The following OTUD6B variants were observed in gnomAD, a reference collection of about 807,000 sequenced individuals.
OTUD6B encodes OTU deubiquitinase 6B, also known as deubiquitinase OTUD6B.
OTUD6B carries 41 observed loss-of-function variants against 36.9 expected under a neutral mutation model. The observed-to-expected ratio is 1.11, with a 90% CI of 0.87 to 1.44. The LOEUF (loss-of-function observed/expected upper bound fraction) is 1.44, where lower values mean the gene tolerates loss of function less well. OTUD6B is among the 40% of genes most tolerant of loss of function. The pLI is 0.00. For synonymous variants in OTUD6B, 114 were observed against 114.2 expected (o/e 1.00, Z 0.01); for missense variants, 356 against 344.8 (o/e 1.03, Z -0.26).
At chr8:91,081,777 C>T (rs575037816) in intron 5 of OTUD6B, among the ~76,000 whole-genome samples, 1 of 151,994 alleles carries the variant, frequency 6.6e-6, no homozygotes, top group Non-Finnish European at 1.5e-5. Context: ...GAATGTTGCC[C>T]CAAAATCTTT....
chr8:91,082,844 C>T (rs1431524243), intron 5 of OTUD6B, among the ~76,000 whole-genome samples: 3 of 149,652 alleles, frequency 2.0e-5, no homozygotes, highest in Non-Finnish European at 1.5e-5. Context: ...CTCTGCCTCC[C>T]GGGCTCAAGT....
At chr8:91,078,731 G>A in intron 4 of OTUD6B, 63 bp downstream of exon 4, 2 of 1,188,242 alleles carry the variant, frequency 1.7e-6, no homozygotes, top group East Asian at 2.6e-5. Flanking sequence ...TAAATAAGGT[G>A]CTTCCCAGCA....
In OTUD6B at chr8:91,070,417, G is replaced by A; in HGVS notation, c.33G>A (p.Glu11=). Reference sequence around the variant, plus strand: ...CGGTATTGACCGAAGAGCTTGATGAGGAAGAGCAGCTGCTGAGAAGGCATC... The same window carrying A: ...CGGTATTGACCGAAGAGCTTGATGAAGAAGAGCAGCTGCTGAGAAGGCATC... MEAVLTEELD[E]EEQLLRRHRK... Residue 11 remains glutamate (E), a synonymous_variant, in exon 1 of 7, where the codon GAG becomes GAA. Transcript: ENST00000404789. 3.1e-6 allele frequency: 5 copies of A among 1,599,144 alleles called. No homozygotes were observed. Among genetic ancestry groups the A allele is most frequent in the Non-Finnish European group, 4.3e-6 (5 of 1,172,512 alleles).
At chr8:91,076,476 G>A in intron 3 of OTUD6B, 2 of 1,486,296 alleles carry the variant, frequency 1.3e-6, no homozygotes, top group South Asian at 1.2e-5. Flanking sequence ...ATTAGAATTA[G>A]TATTTTAGAG....
At position 91,077,629 on chromosome 8, in the gene OTUD6B, A is replaced by C. The variant is rs771607471; in HGVS notation, c.316-727A>C. Among the ~76,000 whole-genome samples, 45 of 151,876 alleles carry C rather than the reference A, an allele frequency of 3.0e-4. 1 individual carries two copies. Among genetic ancestry groups the C allele is most frequent in the Admixed American group, 4.6e-4 (7 of 15,222 alleles). The stretch of plus-strand genomic sequence containing the variant: ...TCCTTGCATATGTTTCCATGGGAGG[A>C]GCTTATCAGACATTTGCATAAGGAA... On this transcript the variant is annotated intron_variant, in intron 3 of 6. Coordinates refer to ENST00000404789, the MANE Select transcript of OTUD6B (RefSeq NM_016023.5).
At chr8:91,082,745 C>CTT (rs369648071) in intron 5 of OTUD6B, among the ~76,000 whole-genome samples, 41 of 111,856 alleles carry the variant, frequency 3.7e-4, no homozygotes, top group Non-Finnish European at 4.6e-4. Flanking sequence ...GGTCATATGT[C>CTT]TTTTTTTTTT....
chr8:91,073,804 C>T, intron 2 of OTUD6B, 27 bp from the exon 3 acceptor site: 1 of 1,539,922 alleles, frequency 6.5e-7, no homozygotes, highest in Non-Finnish European at 8.8e-7. Flanking sequence ...AGTACATTGA[C>T]TTGTTAATGC....
chr8:91,070,930 C>A, intron 1 of OTUD6B: 2 of 541,156 alleles, frequency 3.7e-6, no homozygotes, highest in Non-Finnish European at 4.7e-6. Flanking sequence ...GAAACATATT[C>A]AAGATTTTGT....
Position 91,071,257 on chromosome 8 carries a change from G to C in OTUD6B, c.202G>C (p.Glu68Gln), listed in dbSNP as rs758191160. ...GGAACAGAAACATAGAGAGGAACTGGAGCAATTGAAGCTGACTACTAAGGA... is the reference window on the plus strand; with the variant it reads ...GGAACAGAAACATAGAGAGGAACTGCAGCAATTGAAGCTGACTACTAAGGA... ...EMEQKHREELEQLKLTTKENK... is the reference protein window; with the variant it reads ...EMEQKHREELQQLKLTTKENK... Residue 68 changes from glutamate (E) to glutamine (Q), a missense_variant, in exon 2 of 7, where the codon GAG becomes CAG. By Grantham distance (29) the Glu-to-Gln change is conservative. Transcript: ENST00000404789. The C allele has an allele frequency of 1.2e-6, 2 of 1,613,676 alleles. No individual in the cohort carries two copies. The highest frequency in any genetic ancestry group is 1.7e-6 in the Non-Finnish European group (2 of 1,179,802).
intron 5 of OTUD6B, among the ~76,000 whole-genome samples, chr8:91,083,270 T>TC (rs1234399731): frequency 2.0e-5 from 3 of 152,128 alleles, no homozygotes; most frequent in Non-Finnish European, 4.4e-5. Context: ...ATTTTGTTCT[T>TC]CCCCCTGCCC....
At chr8:91,075,582 T>TTAA (rs1222177920) in intron 3 of OTUD6B, among the ~76,000 whole-genome samples, 1 of 152,134 alleles carries the variant, frequency 6.6e-6, no homozygotes, top group African/African-American at 2.4e-5. Context: ...ACAACTGGAA[T>TTAA]TAATACTTTT....
chr8:91,081,929 A>G (rs1411216030), intron 5 of OTUD6B, among the ~76,000 whole-genome samples: 1 of 152,208 alleles, frequency 6.6e-6, no homozygotes, highest in Non-Finnish European at 1.5e-5. Flanking sequence ...GAACTTTCTT[A>G]AAAGGATCAT....
intron 3 of OTUD6B, 24 bp from the exon 4 acceptor site, chr8:91,078,332 T>A: frequency 6.6e-7 from 1 of 1,520,612 alleles, no homozygotes; most frequent in Middle Eastern, 1.7e-4. Flanking sequence ...ATGAATTAAC[T>A]TTCATGCATT....
At chr8:91,079,675 A>G (rs1441369286) in intron 4 of OTUD6B, among the ~76,000 whole-genome samples, 1 of 151,862 alleles carries the variant, frequency 6.6e-6, no homozygotes, top group Admixed American at 6.6e-5. Flanking sequence ...ATTTTGATAT[A>G]TGCATAGGCA....
At chr8:91,072,407 G>A (rs1586202761) in intron 2 of OTUD6B, among the ~76,000 whole-genome samples, 1 of 152,086 alleles carries the variant, frequency 6.6e-6, no homozygotes, top group African/African-American at 2.4e-5. Context: ...TTTATTGTAT[G>A]GGTTTTGGAT....
chr8:91,073,566 A>G (rs944920498), intron 2 of OTUD6B: 1 of 158,774 alleles, frequency 6.3e-6, no homozygotes, highest in African/African-American at 2.4e-5. Flanking sequence ...TGGCGCTTAC[A>G]GGAAGTACAG....
rs1254493821 is a variant in OTUD6B, at chr8:91,071,293, T to C, written c.234+4T>C. 1 of 1,604,058 alleles carries C rather than the reference T, an allele frequency of 6.2e-7. No individual in the cohort carries two copies. ...GCTGACTACTAAGGAGAATAAGGTATGTGAAATAAATGTTTGTCGTTGCCT... is the reference window on the plus strand; with the variant it reads ...GCTGACTACTAAGGAGAATAAGGTACGTGAAATAAATGTTTGTCGTTGCCT... On this transcript the variant is annotated splice_donor_region_variant and intron_variant, in intron 2 of 6. Transcript: ENST00000404789.
intron 3 of OTUD6B, among the ~76,000 whole-genome samples, chr8:91,075,959 A>G (rs1812796237): frequency 6.6e-6 from 1 of 152,134 alleles, no homozygotes; most frequent in Non-Finnish European, 1.5e-5. Context: ...CTAGAAAAAC[A>G]GTATTTTATT....
At position 91,072,842 on chromosome 8, in the gene OTUD6B, C is replaced by T. The variant is rs369584859; in HGVS notation, c.235-989C>T. Among the ~76,000 whole-genome samples the T allele has an allele frequency of 2.4e-4, 37 of 152,354 alleles. 4 individuals carry two copies. Among genetic ancestry groups the T allele is most frequent in the Admixed American group, 1.9e-3 (29 of 15,310 alleles). ...GATTCATAAGCTACATGGAGTCCTA[C>T]TGTTAAAACACAAACTCCCATTTTA... is the stretch of plus-strand genomic sequence containing the variant. On this transcript the variant is annotated intron_variant, in intron 2 of 6. Transcript: ENST00000404789.
Sources: allele counts gnomAD v4.1 joint callset (sites outside exome capture counted in the v4.1 genomes callset), GRCh38; gene constraint gnomAD v4.1.1; transcripts MANE v1.5; gene names NCBI Gene and HGNC (gene_info 2026-07-23, HGNC 2026-07-21).